The following SPAG16 variants were observed in gnomAD, a reference collection of about 807,000 sequenced individuals.
SPAG16 encodes the protein sperm associated antigen 16, also known as sperm-associated antigen 16 protein.
A neutral mutation model predicts 80.4 loss-of-function variants in SPAG16; 86 were observed. The observed-to-expected ratio is 1.07, with a 90% CI of 0.90 to 1.28. SPAG16 has a LOEUF of 1.28. Ranked by LOEUF, SPAG16 falls within the 50% of genes most tolerant of loss-of-function variation. The pLI is 0.00. For missense variants in SPAG16, 870 were observed against 765.3 expected (o/e 1.14, Z -1.61); for synonymous variants, 294 against 265.9 (o/e 1.11, Z -1.03).
At chr2:213,591,453 A>G (rs1386294594) in intron 10 of SPAG16, among the ~76,000 whole-genome samples, 2 of 152,224 alleles carry the variant, frequency 1.3e-5, no homozygotes, top group African/African-American at 4.8e-5. Context: ...TGTGGATCAA[A>G]ATTAGGGGTA....
chr2:213,340,044 CAA>C, intron 5 of SPAG16, 117 bp from the exon 6 acceptor site: 2 of 653,656 alleles, frequency 3.1e-6, no homozygotes, highest in Non-Finnish European at 5.3e-6. Flanking sequence ...AGAATTATAG[CAA>C]AATATTTGTT....
At chr2:214,041,519 T>G in intron 13 of SPAG16, among the ~76,000 whole-genome samples, 1 of 151,778 alleles carries the variant, frequency 6.6e-6, no homozygotes, top group East Asian at 1.9e-4. Context: ...CATAGTTTCA[T>G]TACAAAGTGC....
At chr2:214,203,848 G>C (rs1361364527) in intron 15 of SPAG16, among the ~76,000 whole-genome samples, 1 of 152,196 alleles carries the variant, frequency 6.6e-6, no homozygotes, top group Non-Finnish European at 1.5e-5. Context: ...CAGGGGTGCA[G>C]ACAAGCACAG....
In SPAG16 at chr2:213,402,051, A is replaced by G. The variant is rs542039315; in HGVS notation, c.942+26932A>G. Among the ~76,000 whole-genome samples the G allele has an allele frequency of 1.2e-4, 18 of 152,238 alleles. No individual in the cohort carries two copies. In the South Asian group the frequency reaches 3.7e-3, roughly 32 times the overall value. On this transcript the variant is annotated intron_variant, in intron 9 of 15. Coordinates refer to ENST00000331683, the MANE Select transcript of SPAG16 (RefSeq NM_024532.5). The stretch of plus-strand genomic sequence containing the variant: ...TTATTATTTAAGAAAGGTAATTTAT[A>G]AAGACAATGCTTATTTCAATTTATC...
chr2:213,523,767 GC>G (rs1436759970), intron 10 of SPAG16, among the ~76,000 whole-genome samples: 1 of 152,210 alleles, frequency 6.6e-6, no homozygotes, highest in Non-Finnish European at 1.5e-5. Context: ...AAAGAGACTG[GC>G]AGTATATTGC....
chr2:213,953,208 A>G (rs1007647905), intron 12 of SPAG16, among the ~76,000 whole-genome samples: 7 of 152,038 alleles, frequency 4.6e-5, no homozygotes, highest in African/African-American at 1.7e-4. Context: ...TAGAAAATAT[A>G]CTTAATACTT....
chr2:213,941,352 G>A (rs528573729), intron 12 of SPAG16, among the ~76,000 whole-genome samples: 4 of 152,168 alleles, frequency 2.6e-5, no homozygotes, highest in South Asian at 2.1e-4. Context: ...TTTATAACTT[G>A]TAATGAATGT....
At chr2:213,830,802 A>G (rs985995929) in intron 10 of SPAG16, among the ~76,000 whole-genome samples, 3 of 152,008 alleles carry the variant, frequency 2.0e-5, no homozygotes, top group African/African-American at 7.2e-5. Flanking sequence ...AAATTTCCCA[A>G]ATCTGAATTC....
At chr2:213,784,782 C>A (rs539627411) in intron 10 of SPAG16, among the ~76,000 whole-genome samples, 4 of 152,066 alleles carry the variant, frequency 2.6e-5, no homozygotes, top group African/African-American at 7.2e-5. Flanking sequence ...ACTTGTGCAA[C>A]TCTTGAACAA....
intron 13 of SPAG16, among the ~76,000 whole-genome samples, chr2:214,068,063 G>A (rs1196879941): frequency 6.6e-6 from 1 of 152,032 alleles, no homozygotes; most frequent in Non-Finnish European, 1.5e-5. Flanking sequence ...TGTTGTATAA[G>A]GATGGAACAC....
chr2:214,076,234 A>G (rs1023739998), intron 13 of SPAG16, among the ~76,000 whole-genome samples: 2 of 152,176 alleles, frequency 1.3e-5, no homozygotes, highest in Admixed American at 6.6e-5. Flanking sequence ...CAGCTTGTTT[A>G]GACTGATATT....
At chr2:213,543,990 A>G (rs1399514887) in intron 10 of SPAG16, among the ~76,000 whole-genome samples, 2 of 152,042 alleles carry the variant, frequency 1.3e-5, no homozygotes, top group African/African-American at 2.4e-5. Context: ...GTATTTCTCA[A>G]TGAAAGTCTT....
At chr2:213,900,872 C>G (rs552131761) in intron 11 of SPAG16, among the ~76,000 whole-genome samples, 90 of 152,284 alleles carry the variant, frequency 5.9e-4, no homozygotes, top group African/African-American at 2.0e-3. Context: ...ACATTCTGCT[C>G]TGTCCCATAA....
At chr2:213,524,173 A>G (rs1257135376) in intron 10 of SPAG16, among the ~76,000 whole-genome samples, 1 of 152,230 alleles carries the variant, frequency 6.6e-6, no homozygotes, top group Non-Finnish European at 1.5e-5. Context: ...AACCCAAGGT[A>G]AAGCTCAGGC....
intron 15 of SPAG16, among the ~76,000 whole-genome samples, chr2:214,245,439 T>C (rs1384051885): frequency 2.0e-5 from 3 of 152,104 alleles, no homozygotes; most frequent in African/African-American, 7.2e-5. Context: ...TTTGAAAAAT[T>C]AGATGTTTAA....
chr2:214,150,150 T>C (rs1186941764), intron 15 of SPAG16, among the ~76,000 whole-genome samples: 2 of 152,070 alleles, frequency 1.3e-5, no homozygotes, highest in Non-Finnish European at 2.9e-5. Context: ...TATTTTATTG[T>C]TTTAAGATAG....
intron 15 of SPAG16, among the ~76,000 whole-genome samples, chr2:214,360,839 G>C (rs949878568): frequency 6.6e-6 from 1 of 151,860 alleles, no homozygotes; most frequent in African/African-American, 2.4e-5. Context: ...ACTCAAATAA[G>C]CGTCAATGGT....
chr2:214,123,338 G>A (rs1160497866), intron 14 of SPAG16, among the ~76,000 whole-genome samples: 2 of 151,748 alleles, frequency 1.3e-5, no homozygotes, highest in East Asian at 3.9e-4. Context: ...TTGTTGATGG[G>A]TCTATGAAAA....
At chr2:213,722,715 T>C (rs535569848) in intron 10 of SPAG16, among the ~76,000 whole-genome samples, 2 of 152,242 alleles carry the variant, frequency 1.3e-5, no homozygotes, top group South Asian at 4.1e-4. Context: ...ATGACAATAT[T>C]GGAAAGGCTG....
Sources: allele counts gnomAD v4.1 joint callset (sites outside exome capture counted in the v4.1 genomes callset), GRCh38; gene constraint gnomAD v4.1.1; transcripts MANE v1.5; gene names NCBI Gene and HGNC (gene_info 2026-07-23, HGNC 2026-07-21).